NPAS3: variants seen among roughly 807,000 people sequenced by gnomAD.
The protein encoded by NPAS3 is neuronal PAS domain protein 3.
Under a neutral mutation model 73.1 loss-of-function variants are expected in NPAS3, and 14 were observed. The ratio of observed to expected loss-of-function variants is 0.19; its 90% CI spans 0.13 to 0.30. NPAS3 has a LOEUF of 0.30. Among genes scored for constraint, NPAS3 ranks in the 10% least tolerant of loss-of-function variants. NPAS3 has a pLI of 1.00. For synonymous variants in NPAS3, 620 were observed against 541.5 expected, an observed-to-expected ratio of 1.14 and a Z score of -2.01; for missense variants, 1,096 against 1,250.0, an observed-to-expected ratio of 0.88 and a Z score of 1.86.
rs1447043581 is a variant in NPAS3, at chr14:33,655,774, C to T, written c.559-20437C>T. On this transcript the variant is annotated intron_variant, in intron 5 of 11. Transcript: ENST00000356141. Reference sequence around the variant, plus strand: ...GGCCTTTTTGAAGAGTACAAGACTGCAAGAACTTGTACCCCCTCATATCTC... The same window carrying T: ...GGCCTTTTTGAAGAGTACAAGACTGTAAGAACTTGTACCCCCTCATATCTC... Among the ~76,000 whole-genome samples the T allele has an allele frequency of 2.0e-5, 3 of 152,154 alleles. No individual in the cohort carries two copies. The East Asian group carries it at 5.8e-4, about 29-fold the overall frequency.
intron 1 of NPAS3, among the ~76,000 whole-genome samples, chr14:32,988,731 C>T (rs918046457): frequency 2.0e-5 from 3 of 152,218 alleles, no homozygotes; most frequent in African/African-American, 4.8e-5. Context: ...ACACTGATGT[C>T]ACTTGACTAA....
intron 2 of NPAS3, among the ~76,000 whole-genome samples, chr14:33,104,207 A>G (rs924683764): frequency 1.3e-5 from 2 of 152,152 alleles, no homozygotes; most frequent in Non-Finnish European, 2.9e-5. Context: ...TTCACTTATA[A>G]CAAGGTCCTT....
At chr14:33,177,184 C>T (rs1041969562) in intron 2 of NPAS3, among the ~76,000 whole-genome samples, 3 of 151,216 alleles carry the variant, frequency 2.0e-5, no homozygotes, top group Admixed American at 6.6e-5. Context: ...GCAACCTCCA[C>T]GTCCCAGGTT....
intron 9 of NPAS3, 84 bp downstream of exon 9, chr14:33,778,656 C>A: frequency 1.2e-6 from 1 of 864,308 alleles, no homozygotes; most frequent in South Asian, 1.4e-5. Flanking sequence ...TGATTTTTCC[C>A]TTCATCTTTC....
chr14:33,119,410 A>G (rs923625936), intron 2 of NPAS3, among the ~76,000 whole-genome samples: 1 of 151,916 alleles, frequency 6.6e-6, no homozygotes, highest in African/African-American at 2.4e-5. Flanking sequence ...TTAGTGGAGG[A>G]GGGAGGAAAA....
intron 4 of NPAS3, among the ~76,000 whole-genome samples, chr14:33,405,917 C>A (rs2047645054): frequency 6.6e-6 from 1 of 151,964 alleles, no homozygotes; most frequent in South Asian, 2.1e-4. Context: ...TATTAGGAAC[C>A]ACTTTATTTT....
chr14:32,961,131 C>T (rs1022690621), intron 1 of NPAS3, among the ~76,000 whole-genome samples: 3 of 151,944 alleles, frequency 2.0e-5, no homozygotes, highest in African/African-American at 2.4e-5. Flanking sequence ...AATGTGAATT[C>T]GGCTGGGTGT....
At chr14:32,953,402 C>T (rs1248525537) in intron 1 of NPAS3, among the ~76,000 whole-genome samples, 6 of 152,110 alleles carry the variant, frequency 3.9e-5, no homozygotes, top group South Asian at 2.1e-4. Context: ...CTATTTCATA[C>T]GAGGTCACAA....
At chr14:33,446,256 A>G (rs1186579169) in intron 4 of NPAS3, among the ~76,000 whole-genome samples, 9 of 148,190 alleles carry the variant, frequency 6.1e-5, no homozygotes, top group African/African-American at 2.0e-4. Flanking sequence ...GCTCACTGCA[A>G]GCTCCGCTTC....
At chr14:33,233,426 A>C (rs2047924237) in intron 3 of NPAS3, among the ~76,000 whole-genome samples, 1 of 152,160 alleles carries the variant, frequency 6.6e-6, no homozygotes, top group South Asian at 2.1e-4. Context: ...TCTCAGTAGC[A>C]AAGGAGACAG....
chr14:33,732,198 T>A (rs2061417933), intron 6 of NPAS3, among the ~76,000 whole-genome samples: 1 of 152,190 alleles, frequency 6.6e-6, no homozygotes, highest in African/African-American at 2.4e-5. Context: ...TCATCCTCTC[T>A]TCGCCTCATC....
At chr14:33,151,788 A>G (rs535707691) in intron 2 of NPAS3, among the ~76,000 whole-genome samples, 3 of 152,262 alleles carry the variant, frequency 2.0e-5, no homozygotes, top group South Asian at 4.1e-4. Context: ...AATTTTATAC[A>G]TTGTTCTGGA....
At chr14:33,133,559 CTAA>C (rs954115194) in intron 2 of NPAS3, among the ~76,000 whole-genome samples, 1 of 152,092 alleles carries the variant, frequency 6.6e-6, no homozygotes, top group Non-Finnish European at 1.5e-5. Flanking sequence ...CAGTCAATGA[CTAA>C]TAATAAAATA....
chr14:33,704,077 T>C lies in NPAS3; in HGVS notation c.733+27692T>C, dbSNP rs561646305. ...TAATAAGACCCACTTCAAAGGACTATGTGAGGATGAAAGAAAACCCGTAGA... is the reference window on the plus strand; with the variant it reads ...TAATAAGACCCACTTCAAAGGACTACGTGAGGATGAAAGAAAACCCGTAGA... On this transcript the variant is annotated intron_variant, in intron 6 of 11. Transcript: ENST00000356141. Among the ~76,000 whole-genome samples, 3 of 152,326 alleles carry C rather than the reference T, an allele frequency of 2.0e-5. No individual in the cohort carries two copies. In the South Asian group the frequency reaches 6.2e-4, roughly 32 times the overall value.
intron 2 of NPAS3, among the ~76,000 whole-genome samples, chr14:33,159,647 G>A (rs1218164870): frequency 2.1e-5 from 3 of 142,168 alleles, no homozygotes; most frequent in Non-Finnish European, 4.5e-5. Flanking sequence ...TCCGCCTCCC[G>A]GATTCACACC....
Position 33,211,369 on chromosome 14 carries a change from T to C in NPAS3, c.141-3813T>C, listed in dbSNP as rs8013118. Among the ~76,000 whole-genome samples, 1,245 of 152,176 alleles carry C rather than the reference T, an allele frequency of 8.2e-3. 24 individuals are homozygous for C. The highest frequency in any genetic ancestry group is 0.029 in the African/African-American group (1,189 of 41,540). On this transcript the variant is annotated intron_variant, in intron 2 of 11. Coordinates refer to ENST00000356141, the Ensembl canonical transcript of NPAS3. ...GCCAAGGTGGGCGGATCACTTGAGG[T>C]CAGGAGTTAGAGACCAGCCTGGCCA...
intron 1 of NPAS3, among the ~76,000 whole-genome samples, chr14:33,033,617 T>C (rs2040069037): frequency 6.6e-6 from 1 of 152,172 alleles, no homozygotes; most frequent in African/African-American, 2.4e-5. Flanking sequence ...GTGTCACATA[T>C]ATTCTCTGCC....
At chr14:33,238,046 T>G (rs1566711196) in intron 3 of NPAS3, among the ~76,000 whole-genome samples, 1 of 151,978 alleles carries the variant, frequency 6.6e-6, no homozygotes, top group Non-Finnish European at 1.5e-5. Flanking sequence ...AAACATTGAT[T>G]GGCTCAGAAA....
chr14:32,938,550 A>T (rs2035804518), upstream of NPAS3, among the ~76,000 whole-genome samples: 1 of 95,074 alleles, frequency 1.1e-5, no homozygotes, highest in African/African-American at 3.9e-5. Flanking sequence ...GTGTCTGCGT[A>T]CGAGAGAGCG....
Sources: allele counts gnomAD v4.1 joint callset (sites outside exome capture counted in the v4.1 genomes callset), GRCh38; gene constraint gnomAD v4.1.1; transcripts MANE v1.5; gene names NCBI Gene and HGNC (gene_info 2026-07-23, HGNC 2026-07-21).